The following DPH6 variants were observed in gnomAD, a reference collection of about 807,000 sequenced individuals.
DPH6 encodes diphthine--ammonia ligase.
Under a neutral mutation model 38.2 loss-of-function variants are expected in DPH6, and 33 were observed. The ratio of observed to expected loss-of-function variants is 0.86; its 90% CI spans 0.65 to 1.15. DPH6 has a LOEUF of 1.15. Among genes scored for constraint, DPH6 ranks in the 50% most tolerant of loss-of-function variants. The pLI, the probability that DPH6 is intolerant of heterozygous loss-of-function variation, is 0.00. For synonymous variants in DPH6, 108 were observed against 103.0 expected, an observed-to-expected ratio of 1.05 and a Z score of -0.30; for missense variants, 325 against 320.0, an observed-to-expected ratio of 1.02 and a Z score of -0.12.
intron 3 of DPH6, among the ~76,000 whole-genome samples, chr15:35,353,848 T>G (rs533402181): frequency 6.6e-6 from 1 of 152,320 alleles, no homozygotes; most frequent in South Asian, 2.1e-4. Context: ...GGGATGGCAT[T>G]GAATCTATAA....
At chr15:35,214,566 C>T (rs2140380613), downstream of DPH6, among the ~76,000 whole-genome samples, 1 of 152,256 alleles carries the variant, frequency 6.6e-6, no homozygotes. Context: ...TCAATGTTAC[C>T]ACTATGATCC....
downstream of DPH6, among the ~76,000 whole-genome samples, chr15:35,213,884 G>A (rs1280675297): frequency 3.9e-5 from 6 of 152,230 alleles, no homozygotes; most frequent in South Asian, 2.1e-4. Context: ...AGGCCGAGGC[G>A]GGTGGATCAC....
intron 3 of DPH6, among the ~76,000 whole-genome samples, chr15:35,515,722 GAAAAAAAAAA>G (rs61568573): frequency 1.3e-5 from 1 of 77,950 alleles, no homozygotes; most frequent in Admixed American, 1.8e-4. Context: ...CTCCGTCTCA[GAAAAAAAAAA>G]AAAAAAAAAA....
chr15:35,263,878 AT>A (rs1466075867), intron 3 of DPH6, among the ~76,000 whole-genome samples: 1 of 151,498 alleles, frequency 6.6e-6, no homozygotes, highest in African/African-American at 2.4e-5. Context: ...CGCCTGGCTA[AT>A]TTTTTTTGTA....
chr15:35,367,017 G>T (rs1262021514), downstream of DPH6, among the ~76,000 whole-genome samples: 2 of 151,816 alleles, frequency 1.3e-5, no homozygotes, highest in Non-Finnish European at 2.9e-5. Context: ...GGCATTTGAT[G>T]ATATATCTCA....
chr15:35,267,807 G>A (rs1164645141), intron 3 of DPH6, among the ~76,000 whole-genome samples: 3 of 152,092 alleles, frequency 2.0e-5, no homozygotes, highest in Admixed American at 2.0e-4. Flanking sequence ...TGCTCAAATA[G>A]GATCCTAGTG....
chr15:35,164,889 C>A, the DPH6 span, among the ~76,000 whole-genome samples: 1 of 151,804 alleles, frequency 6.6e-6, no homozygotes, highest in South Asian at 2.1e-4. Context: ...TATGTTAATG[C>A]CACTATAGGT....
intron 3 of DPH6, among the ~76,000 whole-genome samples, chr15:35,260,270 G>T (rs1377843681): frequency 6.6e-6 from 1 of 151,962 alleles, no homozygotes; most frequent in Non-Finnish European, 1.5e-5. Flanking sequence ...ATCACGCCCA[G>T]CTAATTTTTG....
At chr15:35,157,711 C>T in the DPH6 span, among the ~76,000 whole-genome samples, 1 of 152,060 alleles carries the variant, frequency 6.6e-6, no homozygotes, top group Non-Finnish European at 1.5e-5. Flanking sequence ...CTACTGCATT[C>T]CTACTCTTTA....
At chr15:35,493,153 T>C (rs1380238918) in intron 3 of DPH6, among the ~76,000 whole-genome samples, 1 of 152,174 alleles carries the variant, frequency 6.6e-6, no homozygotes, top group Non-Finnish European at 1.5e-5. Context: ...GAGATGGTTC[T>C]CCTTGGTCAG....
At chr15:35,342,917 T>C (rs2052433098) in intron 3 of DPH6, among the ~76,000 whole-genome samples, 1 of 152,196 alleles carries the variant, frequency 6.6e-6, no homozygotes, top group African/African-American at 2.4e-5. Flanking sequence ...CTGGCTTTAA[T>C]AACGATCAGT....
intron 3 of DPH6, among the ~76,000 whole-genome samples, chr15:35,484,018 G>C (rs1204810505): frequency 6.6e-6 from 1 of 152,138 alleles, no homozygotes; most frequent in Non-Finnish European, 1.5e-5. Flanking sequence ...TGGCTGGCTG[G>C]CATTGAGATA....
chr15:35,337,471 C>A (rs1474930397), intron 3 of DPH6, among the ~76,000 whole-genome samples: 6 of 152,126 alleles, frequency 3.9e-5, no homozygotes, highest in African/African-American at 1.4e-4. Context: ...ATCCAACTTA[C>A]AAGGGACGTG....
the DPH6 span, among the ~76,000 whole-genome samples, chr15:35,153,144 C>A: frequency 6.6e-6 from 1 of 151,750 alleles, no homozygotes; most frequent in Non-Finnish European, 1.5e-5. Context: ...GAAACACAGC[C>A]CCACCCATTT....
At chr15:35,241,328 T>C (rs1186839079) in intron 3 of DPH6, among the ~76,000 whole-genome samples, 6 of 142,256 alleles carry the variant, frequency 4.2e-5, no homozygotes, top group African/African-American at 1.5e-4. Context: ...GAAGGTTAAG[T>C]CCGTCCCGTT....
Position 35,471,717 on chromosome 15 carries a change from C to A in DPH6, c.313-16897G>T, listed in dbSNP as rs76642788. ...ACCTACTGTAATCCTACTCATTCTT[C>A]ACAACCTATGAAACCATATTTGATC... On this transcript the variant is annotated intron_variant, in intron 3 of 8. Transcript: ENST00000256538. 3.1e-3 allele frequency among the ~76,000 whole-genome samples: 473 copies of A among 152,334 alleles called. 3 individuals are homozygous for A. The East Asian group carries it at 0.035, about 11-fold the overall frequency.
At chr15:35,230,028 C>T (rs1379633946) in intron 3 of DPH6, among the ~76,000 whole-genome samples, 4 of 152,164 alleles carry the variant, frequency 2.6e-5, no homozygotes, top group African/African-American at 9.7e-5. Context: ...AGGCCTGCTG[C>T]AACCACTCCC....
intron 3 of DPH6, among the ~76,000 whole-genome samples, chr15:35,364,317 T>C (rs2052638224): frequency 6.6e-6 from 1 of 152,060 alleles, no homozygotes; most frequent in Non-Finnish European, 1.5e-5. Context: ...ATTTATCACA[T>C]ACCTATCATT....
chr15:35,458,162 CATA>C (rs1381114716), intron 3 of DPH6, among the ~76,000 whole-genome samples: 2 of 152,056 alleles, frequency 1.3e-5, no homozygotes, highest in Non-Finnish European at 2.9e-5. Flanking sequence ...GGTTCTTCCT[CATA>C]ATATTTTTTA....
Sources: gnomAD v4.1 joint callset for allele counts (sites outside exome capture counted in the v4.1 genomes callset) on GRCh38, gnomAD v4.1.1 for gene constraint, MANE v1.5 for transcripts, NCBI Gene and HGNC (gene_info 2026-07-23, HGNC 2026-07-21) for gene names.